COL22A1: variants seen among roughly 807,000 people sequenced by gnomAD.
COL22A1 encodes collagen type XXII alpha 1 chain, also known as collagen alpha-1(XXII) chain.
COL22A1 carries 221 observed loss-of-function variants against 248.9 expected under a neutral mutation model. The observed-to-expected ratio is 0.89, with a 90% CI of 0.80 to 0.99. The LOEUF (loss-of-function observed/expected upper bound fraction) is 0.99, where lower values mean the gene tolerates loss of function less well. Among genes scored for constraint, COL22A1 ranks in the 50% least tolerant of loss-of-function variants. The pLI is 0.00. For synonymous variants in COL22A1, 891 were observed against 793.4 expected (o/e 1.12, Z -2.07); for missense variants, 2,240 against 2,179.0 (o/e 1.03, Z -0.56).
chr8:138,782,084 T>C (rs1027952366), intron 12 of COL22A1, among the ~76,000 whole-genome samples: 5 of 152,260 alleles, frequency 3.3e-5, no homozygotes, highest in African/African-American at 1.2e-4. Flanking sequence ...AAAATTTCTA[T>C]GAAGTGCCTT....
At chr8:138,766,319 C>T (rs938849954) in intron 16 of COL22A1, among the ~76,000 whole-genome samples, 15 of 151,994 alleles carry the variant, frequency 9.9e-5, no homozygotes, top group Admixed American at 4.6e-4. Flanking sequence ...CACTGCTGGC[C>T]GGCATGTGAC....
intron 3 of COL22A1, among the ~76,000 whole-genome samples, chr8:138,859,946 T>A (rs934774912): frequency 6.6e-6 from 1 of 152,228 alleles, no homozygotes; most frequent in Non-Finnish European, 1.5e-5. Context: ...CATTTCCTCC[T>A]GGACAGCTGA....
At position 138,649,532 on chromosome 8, in the gene COL22A1, A is replaced by T; in HGVS notation, c.3447+133T>A. 2.1e-6 allele frequency: 3 copies of T among 1,445,340 alleles called. No homozygotes were observed. In the Admixed American group the frequency reaches 6.7e-5, roughly 32 times the overall value. The allele number at this position is 1,445,340 out of a possible 1,614,324, so 89.5% of individuals were successfully genotyped here. On this transcript the variant is annotated intron_variant, in intron 46 of 64. Transcript: ENST00000303045. ...CCATAGCTGTATCTCACAACCCAGTACTCCTCATCTATCTTGAATCTTGAA... is the reference window on the plus strand; with the variant it reads ...CCATAGCTGTATCTCACAACCCAGTTCTCCTCATCTATCTTGAATCTTGAA...
At chr8:138,865,465 T>C (rs570355243) in intron 3 of COL22A1, among the ~76,000 whole-genome samples, 44 of 146,768 alleles carry the variant, frequency 3.0e-4, no homozygotes, top group African/African-American at 1.2e-3. Context: ...TGAGTGTATG[T>C]GTGTATCTTA....
intron 5 of COL22A1, among the ~76,000 whole-genome samples, chr8:138,828,914 G>A (rs1257852674): frequency 6.6e-6 from 1 of 152,150 alleles, no homozygotes; most frequent in Admixed American, 6.5e-5. Context: ...TGCAGAGCCA[G>A]CCGTGGGGGA....
chr8:138,908,801 C>T (rs774604456), intron 1 of COL22A1, among the ~76,000 whole-genome samples: 1 of 152,152 alleles, frequency 6.6e-6, no homozygotes, highest in Non-Finnish European at 1.5e-5. Context: ...CTAATTTATT[C>T]TAAGTACCCC....
At chr8:138,845,744 A>T (rs910582702) in intron 3 of COL22A1, among the ~76,000 whole-genome samples, 1 of 152,078 alleles carries the variant, frequency 6.6e-6, no homozygotes, top group East Asian at 1.9e-4. Context: ...CACATTTGTC[A>T]CAGGGCTGCT....
At chr8:138,844,732 C>T (rs1821113512) in intron 3 of COL22A1, among the ~76,000 whole-genome samples, 3 of 152,034 alleles carry the variant, frequency 2.0e-5, no homozygotes, top group South Asian at 2.1e-4. Flanking sequence ...GGGCGGATCA[C>T]GAGGTCAGGA....
intron 46 of COL22A1, among the ~76,000 whole-genome samples, chr8:138,647,520 G>A (rs913050553): frequency 2.0e-5 from 3 of 152,190 alleles, no homozygotes; most frequent in South Asian, 2.1e-4. Context: ...TTGTGTGTGC[G>A]TGTTTGTGCT....
chr8:138,627,903 T>C (rs1820381497), intron 50 of COL22A1, among the ~76,000 whole-genome samples: 1 of 152,204 alleles, frequency 6.6e-6, no homozygotes, highest in Admixed American at 6.5e-5. Flanking sequence ...ATACCCTTTT[T>C]ATAGAAGTTA....
At chr8:138,909,558 A>C (rs6983070) in intron 1 of COL22A1, among the ~76,000 whole-genome samples, 1 of 148,844 alleles carries the variant, frequency 6.7e-6, no homozygotes, top group East Asian at 2.0e-4. Flanking sequence ...TGATTTTTTT[A>C]AAAAAACTTA....
At chr8:138,616,183 G>A (rs1335858168) in intron 54 of COL22A1, 129 bp from the exon 55 acceptor site, 1 of 770,766 alleles carries the variant, frequency 1.3e-6, no homozygotes, top group African/African-American at 1.7e-5. Context: ...CATACGCAGA[G>A]CCCCAGCCCT....
At chr8:138,704,219 G>C (rs1373625064) in intron 30 of COL22A1, among the ~76,000 whole-genome samples, 1 of 152,182 alleles carries the variant, frequency 6.6e-6, no homozygotes, top group African/African-American at 2.4e-5. Flanking sequence ...CCGAACAAAA[G>C]GCAGCAGAAA....
intron 10 of COL22A1, among the ~76,000 whole-genome samples, chr8:138,806,582 T>C (rs1216365034): frequency 6.6e-6 from 1 of 152,142 alleles, no homozygotes; most frequent in Admixed American, 6.5e-5. Context: ...GCGAGTCATT[T>C]CACCATTTCG....
At chr8:138,711,285 G>A (rs767915481) in intron 30 of COL22A1, among the ~76,000 whole-genome samples, 7 of 152,236 alleles carry the variant, frequency 4.6e-5, no homozygotes, top group East Asian at 1.9e-4. Context: ...AACAGGGGAC[G>A]TGAAGGGAGA....
chr8:138,744,037 T>C (rs1831912213), intron 22 of COL22A1, among the ~76,000 whole-genome samples: 1 of 152,132 alleles, frequency 6.6e-6, no homozygotes, highest in Admixed American at 6.6e-5. Flanking sequence ...TTTCTACTGG[T>C]TAGAGCTGAA....
At chr8:138,763,364 G>T (rs1376671822) in intron 16 of COL22A1, among the ~76,000 whole-genome samples, 3 of 150,812 alleles carry the variant, frequency 2.0e-5, no homozygotes, top group African/African-American at 7.3e-5. Flanking sequence ...TCCAGCCCGG[G>T]CGACAGAGTG....
chr8:138,856,590 G>A (rs1476151507), intron 3 of COL22A1, among the ~76,000 whole-genome samples: 2 of 132,852 alleles, frequency 1.5e-5, no homozygotes, highest in Non-Finnish European at 3.1e-5. Flanking sequence ...GACAGAGGCA[G>A]TGAGAGAGAG....
At chr8:138,644,905 G>A (rs1327079468) in intron 47 of COL22A1, among the ~76,000 whole-genome samples, 1 of 152,190 alleles carries the variant, frequency 6.6e-6, no homozygotes, top group Non-Finnish European at 1.5e-5. Context: ...CGGCCCGCAA[G>A]TGCAATCCTA....
Sources: gnomAD v4.1 joint callset for allele counts (sites outside exome capture counted in the v4.1 genomes callset) on GRCh38, gnomAD v4.1.1 for gene constraint, MANE v1.5 for transcripts, NCBI Gene and HGNC (gene_info 2026-07-23, HGNC 2026-07-21) for gene names.